Variants in MAGI2 observed in about 807,000 individuals in gnomAD.
The protein encoded by MAGI2 is membrane-associated guanylate kinase, WW and PDZ domain-containing protein 2.
MAGI2 carries 35 observed loss-of-function variants against 133.3 expected under a neutral mutation model. That is an observed-to-expected ratio of 0.26 (90% confidence interval 0.20 to 0.35). MAGI2 has a LOEUF of 0.35. MAGI2 is among the 10% of genes least tolerant of loss of function. MAGI2 has a pLI of 1.00. For synonymous variants in MAGI2, 729 were observed against 710.6 expected (o/e 1.03, Z -0.41); for missense variants, 1,636 against 1,863.4 (o/e 0.88, Z 2.25).
chr7:79,333,567 G>C (rs1469435231), intron 1 of MAGI2, among the ~76,000 whole-genome samples: 1 of 152,110 alleles, frequency 6.6e-6, no homozygotes. Context: ...TTATTAAGCA[G>C]TTGCTAAATA....
intron 3 of MAGI2, among the ~76,000 whole-genome samples, chr7:78,619,192 TAA>T (rs781144208): frequency 6.6e-6 from 1 of 151,118 alleles, no homozygotes; most frequent in East Asian, 1.9e-4. Context: ...TAAAGCAACA[TAA>T]AAAAGAAAAA....
intron 1 of MAGI2, among the ~76,000 whole-genome samples, chr7:79,107,835 T>C (rs1210512756): frequency 6.6e-6 from 1 of 152,194 alleles, no homozygotes; most frequent in Non-Finnish European, 1.5e-5. Flanking sequence ...ATAATTAAAC[T>C]GTAGAATATT....
At chr7:78,318,897 G>A (rs1055504505) in intron 9 of MAGI2, among the ~76,000 whole-genome samples, 13 of 152,070 alleles carry the variant, frequency 8.5e-5, no homozygotes, top group African/African-American at 2.2e-4. Flanking sequence ...AATAAAATCC[G>A]TTACAGACAA....
intron 1 of MAGI2, among the ~76,000 whole-genome samples, chr7:79,298,054 G>T (rs1373323222): frequency 2.0e-5 from 3 of 152,122 alleles, no homozygotes; most frequent in Non-Finnish European, 2.9e-5. Flanking sequence ...TGATATGTTT[G>T]TGGTCAAAAT....
chr7:78,729,248 TC>T (rs1172823205), intron 2 of MAGI2, among the ~76,000 whole-genome samples: 2 of 152,208 alleles, frequency 1.3e-5, no homozygotes, highest in African/African-American at 4.8e-5. Context: ...TTACTCCCAG[TC>T]ATTTTAAAGT....
chr7:78,546,187 A>G (rs1434242335), intron 3 of MAGI2, among the ~76,000 whole-genome samples: 5 of 152,202 alleles, frequency 3.3e-5, no homozygotes, highest in Non-Finnish European at 7.3e-5. Flanking sequence ...CAAATTTATA[A>G]TGCTATCTTG....
chr7:78,123,981 A>T (rs1220081433), intron 20 of MAGI2, among the ~76,000 whole-genome samples: 1 of 152,168 alleles, frequency 6.6e-6, no homozygotes, highest in South Asian at 2.1e-4. Context: ...CTGCAAGGGT[A>T]TTTCTCTATT....
At chr7:78,422,512 T>G (rs2151408960) in intron 6 of MAGI2, among the ~76,000 whole-genome samples, 1 of 152,180 alleles carries the variant, frequency 6.6e-6, no homozygotes, top group East Asian at 1.9e-4. Flanking sequence ...ATCAATTGAC[T>G]TCATTATTTT....
At chr7:78,148,509 CAGA>C (rs1823540811) in intron 16 of MAGI2, among the ~76,000 whole-genome samples, 1 of 151,960 alleles carries the variant, frequency 6.6e-6, no homozygotes, top group Non-Finnish European at 1.5e-5. Flanking sequence ...AGTGAAAAAG[CAGA>C]AGGAGATAAG....
chr7:78,917,155 G>A (rs545423426), intron 2 of MAGI2, among the ~76,000 whole-genome samples: 1 of 152,144 alleles, frequency 6.6e-6, no homozygotes, highest in East Asian at 1.9e-4. Flanking sequence ...CTACTTGGTG[G>A]CTGGTTAGAT....
chr7:78,384,974 C>T (rs1052347510), intron 6 of MAGI2, among the ~76,000 whole-genome samples: 6 of 152,268 alleles, frequency 3.9e-5, no homozygotes, highest in Middle Eastern at 3.4e-3. Context: ...AGCAGCATCA[C>T]GACAATTTTA....
At chr7:78,420,945 G>A (rs1388653502) in intron 6 of MAGI2, among the ~76,000 whole-genome samples, 2 of 152,174 alleles carry the variant, frequency 1.3e-5, no homozygotes, top group African/African-American at 2.4e-5. Context: ...AGTTGCACAG[G>A]TCAGAGGTAA....
rs138708531 is a variant in MAGI2 at position 79,178,938 on chromosome 7, G to T, written c.302-171732C>A. Among the ~76,000 whole-genome samples, 1,297 of 151,958 alleles carry T rather than the reference G, an allele frequency of 8.5e-3. 32 individuals carry two copies. Among genetic ancestry groups the T allele is most frequent in the African/African-American group, 0.03 (1,241 of 41,362 alleles). On this transcript the variant is annotated intron_variant, in intron 1 of 21. Transcript: ENST00000354212. Reference sequence around the variant, plus strand: ...CTAATCCAGCATGTCTACATAGTATGAGAGCAATAAGTTTTGCAAAAATTG... The same window carrying T: ...CTAATCCAGCATGTCTACATAGTATTAGAGCAATAAGTTTTGCAAAAATTG...
intron 2 of MAGI2, among the ~76,000 whole-genome samples, chr7:78,699,366 G>T (rs1817834492): frequency 6.6e-6 from 1 of 152,156 alleles, no homozygotes; most frequent in Admixed American, 6.5e-5. Flanking sequence ...CTCCCAAAGT[G>T]CTGGGATTAC....
intron 1 of MAGI2, among the ~76,000 whole-genome samples, chr7:79,211,980 CAT>C (rs1192630931): frequency 6.6e-6 from 1 of 151,956 alleles, no homozygotes; most frequent in African/African-American, 2.4e-5. Flanking sequence ...ACAGAACAAA[CAT>C]ATATGAAACT....
chr7:78,819,196 T>C (rs554071371), intron 2 of MAGI2, among the ~76,000 whole-genome samples: 1 of 152,272 alleles, frequency 6.6e-6, no homozygotes, highest in African/African-American at 2.4e-5. Context: ...TGTAGGATTA[T>C]ATAAAATGAT....
intron 16 of MAGI2, among the ~76,000 whole-genome samples, chr7:78,149,855 T>A (rs578199338): frequency 8.1e-4 from 123 of 152,294 alleles, no homozygotes; most frequent in Admixed American, 1.6e-3. Flanking sequence ...AGCAAACCCT[T>A]GCCTGGCTTA....
intron 1 of MAGI2, among the ~76,000 whole-genome samples, chr7:79,375,365 T>C (rs536480510): frequency 2.6e-5 from 4 of 152,166 alleles, no homozygotes; most frequent in African/African-American, 9.6e-5. Flanking sequence ...TGTTTGTAAC[T>C]GATAATGCTC....
At chr7:78,888,238 G>T (rs975742701) in intron 2 of MAGI2, among the ~76,000 whole-genome samples, 2 of 152,190 alleles carry the variant, frequency 1.3e-5, no homozygotes, top group Non-Finnish European at 2.9e-5. Context: ...CAGGAAGCTC[G>T]AATTGGGTGG....
Sources: gnomAD v4.1 joint callset for allele counts (sites outside exome capture counted in the v4.1 genomes callset) on GRCh38, gnomAD v4.1.1 for gene constraint, MANE v1.5 for transcripts, NCBI Gene and HGNC (gene_info 2026-07-23, HGNC 2026-07-21) for gene names.